Variants in NDUFV2 observed in about 807,000 individuals in gnomAD.
NDUFV2 encodes the protein NADH dehydrogenase [ubiquinone] flavoprotein 2, mitochondrial.
NDUFV2 carries 18 observed loss-of-function variants against 31.6 expected under a neutral mutation model. The observed-to-expected ratio is 0.57, with a 90% CI of 0.39 to 0.84. The LOEUF (loss-of-function observed/expected upper bound fraction) is 0.84. Ranked by LOEUF, NDUFV2 falls within the 40% of genes least tolerant of loss-of-function variation. The probability of loss-of-function intolerance (pLI) is 0.00; values close to 1 mark genes in which losing one functional copy is unlikely to be tolerated. For synonymous variants in NDUFV2, 83 were observed against 99.8 expected (o/e 0.83, Z 1.01); for missense variants, 314 against 303.6 (o/e 1.03, Z -0.26).
At chr18:9,109,933 T>C (rs1206966743) in intron 1 of NDUFV2, among the ~76,000 whole-genome samples, 1 of 152,210 alleles carries the variant, frequency 6.6e-6, no homozygotes, top group Non-Finnish European at 1.5e-5. Context: ...AAACCCACTG[T>C]TAATTTTGAG....
At chr18:9,108,206 T>G (rs2077851348) in intron 1 of NDUFV2, among the ~76,000 whole-genome samples, 1 of 152,216 alleles carries the variant, frequency 6.6e-6, no homozygotes, top group African/African-American at 2.4e-5. Context: ...TAATATAAAA[T>G]TTAGCCAAAT....
chr18:9,121,838 C>T (rs1237668305), intron 4 of NDUFV2, among the ~76,000 whole-genome samples: 3 of 151,996 alleles, frequency 2.0e-5, no homozygotes, highest in African/African-American at 4.8e-5. Context: ...AATGTCTTGA[C>T]GTGAAGGGTT....
chr18:9,104,089 CA>C (rs1182488982), intron 1 of NDUFV2: 2 of 1,561,230 alleles, frequency 1.3e-6, no homozygotes, highest in Non-Finnish European at 1.8e-6. Context: ...TTTCAAGGTG[CA>C]TAAGATTTTT....
intron 7 of NDUFV2, 52 bp from the exon 8 acceptor site, chr18:9,134,133 TA>T: frequency 1.4e-6 from 2 of 1,421,194 alleles, no homozygotes; most frequent in Non-Finnish European, 2.0e-6. Flanking sequence ...ACAATTTAAG[TA>T]AAAATTTACA....
At chr18:9,120,628 T>C (rs561892756) in intron 4 of NDUFV2, among the ~76,000 whole-genome samples, 93 of 151,704 alleles carry the variant, frequency 6.1e-4, no homozygotes, top group Admixed American at 1.1e-3. Flanking sequence ...AGATTTAGTT[T>C]ATTGATATTT....
At chr18:9,104,856 T>TAG in intron 1 of NDUFV2, 1 of 1,379,028 alleles carries the variant, frequency 7.3e-7, no homozygotes, top group Non-Finnish European at 9.7e-7. Flanking sequence ...GACTAGCAAG[T>TAG]AGAGTAAGCT....
intron 1 of NDUFV2, chr18:9,103,309 G>A: frequency 2.5e-6 from 1 of 396,112 alleles, no homozygotes; most frequent in Non-Finnish European, 4.4e-6. Flanking sequence ...TATCGGAAAT[G>A]CTGGCTAAAT....
intron 1 of NDUFV2, chr18:9,105,095 G>A: frequency 8.6e-7 from 1 of 1,162,456 alleles, no homozygotes; most frequent in Non-Finnish European, 1.1e-6. Context: ...TTGTGAGGAT[G>A]TTCTATTACT....
intron 7 of NDUFV2, among the ~76,000 whole-genome samples, chr18:9,130,450 T>C (rs72935229): frequency 0.066 from 10,124 of 152,250 alleles, 376 homozygotes; most frequent in Non-Finnish European, 0.083. Flanking sequence ...CTACCTCTTA[T>C]TTAAAAAGCA....
At chr18:9,124,842 C>G (rs757419100) in intron 5 of NDUFV2, 32 bp from the exon 6 acceptor site, 1 of 1,585,890 alleles carries the variant, frequency 6.3e-7, no homozygotes. Flanking sequence ...AAAATATAAC[C>G]TGGTCCTTAG....
chr18:9,120,259 A>G (rs182492140), intron 4 of NDUFV2, among the ~76,000 whole-genome samples: 1 of 152,318 alleles, frequency 6.6e-6, no homozygotes, highest in East Asian at 1.9e-4. Flanking sequence ...ACCACATACT[A>G]TTTGATTCTG....
chr18:9,110,916 C>T (rs1369626962), intron 1 of NDUFV2, among the ~76,000 whole-genome samples: 2 of 151,924 alleles, frequency 1.3e-5, no homozygotes, highest in Non-Finnish European at 2.9e-5. Flanking sequence ...AGTGTGTATA[C>T]GTTCAGGTTT....
chr18:9,120,824 GTA>G (rs1334806052), intron 4 of NDUFV2, among the ~76,000 whole-genome samples: 4 of 151,862 alleles, frequency 2.6e-5, no homozygotes, highest in Non-Finnish European at 4.4e-5. Flanking sequence ...AATGATTTAG[GTA>G]TATGTTTCTA....
intron 1 of NDUFV2, chr18:9,104,137 G>C (rs1280177564): frequency 2.5e-6 from 4 of 1,612,434 alleles, no homozygotes; most frequent in Non-Finnish European, 3.4e-6. Context: ...CATGGGGTCC[G>C]AGGGTATTCT....
chr18:9,110,606 C>T (rs1463148600), intron 1 of NDUFV2, among the ~76,000 whole-genome samples: 2 of 152,184 alleles, frequency 1.3e-5, no homozygotes, highest in African/African-American at 4.8e-5. Context: ...CTCTTGGGCG[C>T]AAGCGATGCT....
chr18:9,132,355 G>GT (rs2078047431), intron 7 of NDUFV2: 2 of 152,144 alleles, frequency 1.3e-5, no homozygotes, highest in Non-Finnish European at 2.9e-5. Flanking sequence ...ATCCAAACTG[G>GT]TAAGAGGCTT....
chr18:9,104,041 TAC>T (rs1293334171), intron 1 of NDUFV2: 1 of 1,029,118 alleles, frequency 9.7e-7, no homozygotes, highest in Non-Finnish European at 1.4e-6. Context: ...AATGTAAAAG[TAC>T]AGTGTTAGAG....
chr18:9,109,777 G>C (rs997139389), intron 1 of NDUFV2, among the ~76,000 whole-genome samples: 15 of 151,844 alleles, frequency 9.9e-5, no homozygotes, highest in Non-Finnish European at 5.9e-5. Flanking sequence ...GATTTTTTAG[G>C]AATCGACGAA....
At chr18:9,126,745 G>A in intron 6 of NDUFV2, 86 bp from the exon 7 acceptor site, 1 of 1,230,598 alleles carries the variant, frequency 8.1e-7, no homozygotes, top group Non-Finnish European at 1.2e-6. Flanking sequence ...GACCAGCCTG[G>A]GCAACATAGT....
Sources: allele counts gnomAD v4.1 joint callset (sites outside exome capture counted in the v4.1 genomes callset), GRCh38; gene constraint gnomAD v4.1.1; transcripts MANE v1.5; gene names NCBI Gene and HGNC (gene_info 2026-07-23, HGNC 2026-07-21).